Variants in ZRANB1 observed in about 807,000 individuals in gnomAD.
The protein encoded by ZRANB1 is zinc finger RANBP2-type containing 1, also known as ubiquitin thioesterase ZRANB1.
In ZRANB1, 16 loss-of-function variants were observed where a neutral mutation model predicts 80.5. The ratio of observed to expected loss-of-function variants is 0.20; its 90% CI spans 0.13 to 0.30. The LOEUF (loss-of-function observed/expected upper bound fraction) is 0.30. Ranked by LOEUF, ZRANB1 falls within the 10% of genes least tolerant of loss-of-function variation. The pLI, the probability that ZRANB1 is intolerant of heterozygous loss-of-function variation, is 1.00. For missense variants in ZRANB1, 576 were observed against 862.6 expected, an observed-to-expected ratio of 0.67 and a Z score of 4.16; for synonymous variants, 291 against 293.1, an observed-to-expected ratio of 0.99 and a Z score of 0.07.
chr10:124,919,781 T>G, the ZRANB1 span, among the ~76,000 whole-genome samples: 1 of 150,908 alleles, frequency 6.6e-6, no homozygotes, highest in Non-Finnish European at 1.5e-5. Context: ...CCGGCTAATT[T>G]TTTGTATTTT....
At chr10:124,938,355 T>G (rs866495740), upstream of ZRANB1, among the ~76,000 whole-genome samples, 1 of 152,134 alleles carries the variant, frequency 6.6e-6, no homozygotes, top group African/African-American at 2.4e-5. Flanking sequence ...TTTTTTTTTT[T>G]TGAGACAAAG....
At chr10:124,979,584 T>G (rs557424101) in intron 5 of ZRANB1, among the ~76,000 whole-genome samples, 1 of 152,210 alleles carries the variant, frequency 6.6e-6, no homozygotes, top group African/African-American at 2.4e-5. Context: ...TCTGAAGAGA[T>G]TTTTGTCTAG....
At chr10:124,944,484 T>TCCCCC (rs56891265) in intron 1 of ZRANB1, among the ~76,000 whole-genome samples, 29 of 60,860 alleles carry the variant, frequency 4.8e-4, no homozygotes, top group African/African-American at 7.8e-4. Flanking sequence ...TATATATCAT[T>TCCCCC]CCCCCCCCCC....
At chr10:124,963,242 G>C (rs929701576) in intron 1 of ZRANB1, among the ~76,000 whole-genome samples, 4 of 145,388 alleles carry the variant, frequency 2.8e-5, no homozygotes, top group African/African-American at 1.0e-4. Flanking sequence ...TTCCAGCCTG[G>C]GTGACAGAGC....
At chr10:124,963,657 C>T (rs11816221) in intron 1 of ZRANB1, among the ~76,000 whole-genome samples, 2 of 139,806 alleles carry the variant, frequency 1.4e-5, no homozygotes, top group Admixed American at 8.2e-5. Context: ...AAATTATATG[C>T]GTATGGGCCA....
chr10:124,979,473 T>G (rs1951913302), intron 5 of ZRANB1, among the ~76,000 whole-genome samples: 1 of 152,230 alleles, frequency 6.6e-6, no homozygotes. Flanking sequence ...GGCTTGTCTT[T>G]TCACTTCATT....
At chr10:124,930,032 T>G in the ZRANB1 span, among the ~76,000 whole-genome samples, 5 of 151,578 alleles carry the variant, frequency 3.3e-5, no homozygotes, top group African/African-American at 7.3e-5. Context: ...TACCTAAAGC[T>G]CCGTACAAAA....
the ZRANB1 span, among the ~76,000 whole-genome samples, chr10:124,918,418 G>C: frequency 2.4e-4 from 36 of 152,316 alleles, no homozygotes; most frequent in Non-Finnish European, 5.0e-4. Context: ...TCGCACCTCT[G>C]ACCTCAGGTG....
chr10:124,941,088 A>G (rs1951532376), upstream of ZRANB1, among the ~76,000 whole-genome samples: 2 of 152,264 alleles, frequency 1.3e-5, no homozygotes, highest in Non-Finnish European at 1.5e-5. Context: ...CAAAGCTTCT[A>G]TACTCTGCCT....
intron 4 of ZRANB1, 102 bp from the exon 5 acceptor site, chr10:124,974,098 C>A: frequency 1.7e-6 from 2 of 1,170,572 alleles, no homozygotes; most frequent in Non-Finnish European, 2.4e-6. Flanking sequence ...TGGTAAATTA[C>A]ATATAAACCA....
the ZRANB1 span, among the ~76,000 whole-genome samples, chr10:124,927,864 C>G: frequency 6.6e-6 from 1 of 152,002 alleles, no homozygotes; most frequent in African/African-American, 2.4e-5. Flanking sequence ...TGGCGAAACC[C>G]CATCTCTACC....
At chr10:124,921,558 T>A in the ZRANB1 span, among the ~76,000 whole-genome samples, 6 of 152,330 alleles carry the variant, frequency 3.9e-5, no homozygotes, top group African/African-American at 1.4e-4. Context: ...CTAAACCATC[T>A]TGACTTACCT....
At chr10:124,970,400 T>G (rs1333863806) in intron 2 of ZRANB1, among the ~76,000 whole-genome samples, 1 of 152,140 alleles carries the variant, frequency 6.6e-6, no homozygotes, top group African/African-American at 2.4e-5. Flanking sequence ...CTGGGACTAC[T>G]GGTGCATGCC....
the ZRANB1 span, among the ~76,000 whole-genome samples, chr10:124,936,137 T>C: frequency 6.6e-6 from 1 of 152,088 alleles, no homozygotes; most frequent in Admixed American, 6.6e-5. Flanking sequence ...GACACATGCA[T>C]GAGTCGGGCG....
In ZRANB1 at chr10:124,973,134, T is replaced by G. The variant is rs185275829; in HGVS notation, c.1157-511T>G. Among the ~76,000 whole-genome samples, 7 of 152,246 alleles carry G rather than the reference T, an allele frequency of 4.6e-5. No homozygotes were observed. The East Asian group carries it at 1.3e-3, about 29-fold the overall frequency. On this transcript the variant is annotated intron_variant, in intron 3 of 8. Transcript: ENST00000359653. ...GTATTTAAGCTTACCCCAGAATGATTAGATTTTTAAAAATTTATTTTTTAT... is the reference window on the plus strand; with the variant it reads ...GTATTTAAGCTTACCCCAGAATGATGAGATTTTTAAAAATTTATTTTTTAT...
intron 5 of ZRANB1, among the ~76,000 whole-genome samples, chr10:124,981,080 A>G (rs1951928496): frequency 6.6e-6 from 1 of 152,388 alleles, no homozygotes; most frequent in East Asian, 1.9e-4. Context: ...ACAGTGAACC[A>G]TAATTTTGAG....
the ZRANB1 span, among the ~76,000 whole-genome samples, chr10:124,934,529 A>G: frequency 6.6e-6 from 1 of 152,250 alleles, no homozygotes; most frequent in Non-Finnish European, 1.5e-5. Context: ...CTTTCAGAGC[A>G]GTGACGAAAG....
chr10:124,950,652 G>A (rs576159115), intron 1 of ZRANB1, among the ~76,000 whole-genome samples: 1 of 152,118 alleles, frequency 6.6e-6, no homozygotes, highest in Non-Finnish European at 1.5e-5. Context: ...AGTGCCAAGT[G>A]TAACTCTAGA....
Position 124,984,919 on chromosome 10 carries a change from A to C in ZRANB1, c.2054A>C (p.Asp685Ala). 1 of 1,613,898 alleles carries C rather than the reference A, an allele frequency of 6.2e-7. No individual in the cohort carries two copies. Among genetic ancestry groups the C allele is most frequent in the East Asian group, 2.2e-5 (1 of 44,872 alleles). ...ACTCAGATGGTAGAAAAATGGCTTG[A>C]CCGCTACCGACAGATCCGGCCGTGT... ...LVTQMVEKWL[D>A]RYRQIRPCTS... The change falls in exon 9 of 9, where the codon GAC (aspartate) becomes GCC (alanine). Residue 685 changes from aspartate (D) to alanine (A), a missense_variant. Asp to Ala is a moderately radical substitution (Grantham distance 126). Coordinates refer to ENST00000359653, the MANE Select transcript of ZRANB1 (RefSeq NM_017580.3).
Sources: gnomAD v4.1 joint callset for allele counts (sites outside exome capture counted in the v4.1 genomes callset) on GRCh38, gnomAD v4.1.1 for gene constraint, MANE v1.5 for transcripts, NCBI Gene and HGNC (gene_info 2026-07-23, HGNC 2026-07-21) for gene names.